ZFAND3: variants seen among roughly 807,000 people sequenced by gnomAD.
ZFAND3 encodes the protein AN1-type zinc finger protein 3.
ZFAND3 carries 10 observed loss-of-function variants against 29.6 expected under a neutral mutation model. The ratio of observed to expected loss-of-function variants is 0.34; its 90% CI spans 0.21 to 0.57. The LOEUF (loss-of-function observed/expected upper bound fraction) is 0.57, where lower values mean the gene tolerates loss of function less well. ZFAND3 is among the 20% of genes least tolerant of loss of function. ZFAND3 has a pLI of 0.86. For synonymous variants in ZFAND3, 128 were observed against 112.6 expected (o/e 1.14, Z -0.87); for missense variants, 230 against 304.5 (o/e 0.76, Z 1.82).
At chr6:38,006,305 C>G (rs1307938494) in intron 2 of ZFAND3, among the ~76,000 whole-genome samples, 2 of 151,958 alleles carry the variant, frequency 1.3e-5, no homozygotes, top group African/African-American at 4.8e-5. Context: ...TCTGTGTTTG[C>G]TGTGATAGAA....
At chr6:38,120,180 A>G (rs1581934632) in intron 5 of ZFAND3, among the ~76,000 whole-genome samples, 1 of 152,242 alleles carries the variant, frequency 6.6e-6, no homozygotes, top group East Asian at 1.9e-4. Flanking sequence ...TTGTCATTGC[A>G]GGAGTCTTGT....
chr6:37,975,896 G>A (rs1292348508), intron 2 of ZFAND3, among the ~76,000 whole-genome samples: 1 of 152,250 alleles, frequency 6.6e-6, no homozygotes, highest in Non-Finnish European at 1.5e-5. Context: ...TTTAGCATCA[G>A]TTTGTCAGTT....
At chr6:37,864,813 G>T (rs1308764970) in intron 1 of ZFAND3, among the ~76,000 whole-genome samples, 2 of 151,180 alleles carry the variant, frequency 1.3e-5, no homozygotes, top group Non-Finnish European at 2.9e-5. Flanking sequence ...TTTATTCTTT[G>T]GTATTCCTGG....
intron 5 of ZFAND3, among the ~76,000 whole-genome samples, chr6:38,144,600 C>T (rs1766065928): frequency 6.6e-6 from 1 of 152,252 alleles, no homozygotes; most frequent in Admixed American, 6.5e-5. Flanking sequence ...GAGTGTGTTA[C>T]AGTACCACAT....
chr6:37,888,465 T>G (rs1765038048), intron 1 of ZFAND3, among the ~76,000 whole-genome samples: 1 of 152,194 alleles, frequency 6.6e-6, no homozygotes, highest in Non-Finnish European at 1.5e-5. Flanking sequence ...CTTTATTCTT[T>G]TAGAGCTTAA....
At chr6:37,857,855 G>T (rs2127382282) in intron 1 of ZFAND3, among the ~76,000 whole-genome samples, 1 of 152,306 alleles carries the variant, frequency 6.6e-6, no homozygotes, top group South Asian at 2.1e-4. Context: ...GGTATGTCTA[G>T]AGAACTTGGT....
intron 4 of ZFAND3, chr6:38,088,509 T>G (rs540406713): frequency 7.7e-4 from 117 of 152,298 alleles, no homozygotes; most frequent in African/African-American, 2.7e-3. Flanking sequence ...CAATAATAAC[T>G]TACTTAAAGA....
intron 2 of ZFAND3, among the ~76,000 whole-genome samples, chr6:38,051,614 C>T (rs1336262859): frequency 1.3e-5 from 2 of 152,186 alleles, no homozygotes; most frequent in African/African-American, 4.8e-5. Flanking sequence ...TCCAACTTGC[C>T]TATTTTATTT....
chr6:38,077,806 C>T (rs1030117790), intron 3 of ZFAND3, among the ~76,000 whole-genome samples: 8 of 152,140 alleles, frequency 5.3e-5, no homozygotes, highest in Admixed American at 1.3e-4. Context: ...ATTTTGAGTG[C>T]GTGAAAGGCT....
chr6:37,986,685 T>G (rs1446534219), intron 2 of ZFAND3, among the ~76,000 whole-genome samples: 2 of 152,250 alleles, frequency 1.3e-5, no homozygotes, highest in East Asian at 3.8e-4. Context: ...TCATTTAGTC[T>G]TCTTTCTCTA....
At chr6:37,861,109 TAGCC>T (rs1764482148) in intron 1 of ZFAND3, among the ~76,000 whole-genome samples, 1 of 151,816 alleles carries the variant, frequency 6.6e-6, no homozygotes, top group Admixed American at 6.6e-5. Flanking sequence ...ATAAAAAAAT[TAGCC>T]AGGCATGGTG....
rs1220642719 is a variant in ZFAND3, at chr6:37,928,560, G to T, written c.72-1399G>T. On this transcript the variant is annotated intron_variant, in intron 1 of 5. Transcript: ENST00000287218. Reference sequence around the variant, plus strand: ...TTTGGAGACAGAGTCTTGCTCTGTTGCCCAGGCTGGAGTGCAGTGGTGTGA... The same window carrying T: ...TTTGGAGACAGAGTCTTGCTCTGTTTCCCAGGCTGGAGTGCAGTGGTGTGA... Among the ~76,000 whole-genome samples the T allele has an allele frequency of 3.3e-5, 5 of 152,084 alleles. No homozygotes were observed. In the East Asian group the frequency reaches 9.6e-4, roughly 29 times the overall value.
rs372379127 is a variant in ZFAND3 at position 38,032,227 on chromosome 6, A to G, written c.113-29366A>G. On this transcript the variant is annotated intron_variant, in intron 2 of 5. Transcript: ENST00000287218. ...TATAGATTACTGTAATATAATCAAT[A>G]TAATAGTTACAAGATTTATATTTTA... Among the ~76,000 whole-genome samples the G allele has an allele frequency of 6.6e-5, 10 of 152,356 alleles. No homozygotes were observed. The South Asian group carries it at 1.2e-3, about 19-fold the overall frequency.
chr6:38,151,051 C>T (rs960688387), intron 5 of ZFAND3, among the ~76,000 whole-genome samples: 5 of 152,302 alleles, frequency 3.3e-5, no homozygotes, highest in African/African-American at 9.6e-5. Flanking sequence ...TTGAAAGAGG[C>T]GGCCAGCAGA....
At position 38,047,275 on chromosome 6, in the gene ZFAND3, A is replaced by G. The variant is rs909725925; in HGVS notation, c.113-14318A>G. 1.6e-4 allele frequency among the ~76,000 whole-genome samples: 24 copies of G among 151,686 alleles called. 2 individuals are homozygous for G. In the South Asian group the frequency reaches 4.6e-3, roughly 29 times the overall value. ...GGTTGCAGTGAGCCAAGATCACGCC[A>G]CTGCACTCCAGCCTGGGCAACAGAG... is the stretch of plus-strand genomic sequence containing the variant. On this transcript the variant is annotated intron_variant, in intron 2 of 5. Coordinates refer to ENST00000287218, the MANE Select transcript of ZFAND3 (RefSeq NM_021943.3).
At chr6:38,001,931 A>G (rs1464710154) in intron 2 of ZFAND3, among the ~76,000 whole-genome samples, 1 of 152,158 alleles carries the variant, frequency 6.6e-6, no homozygotes, top group African/African-American at 2.4e-5. Flanking sequence ...TAGTCTAAAT[A>G]TTGATATATT....
chr6:38,076,199 AT>A (rs11408862), intron 3 of ZFAND3, among the ~76,000 whole-genome samples: 3 of 151,716 alleles, frequency 2.0e-5, no homozygotes, highest in African/African-American at 2.4e-5. Context: ...GATCATTAGC[AT>A]TTTTTTTAGA....
At chr6:37,838,985 G>C (rs1764019909) in intron 1 of ZFAND3, among the ~76,000 whole-genome samples, 1 of 152,080 alleles carries the variant, frequency 6.6e-6, no homozygotes, top group African/African-American at 2.4e-5. Context: ...ACTTGTCATT[G>C]CTGCTCTTTT....
At chr6:37,960,571 A>G (rs916827204) in intron 2 of ZFAND3, among the ~76,000 whole-genome samples, 7 of 152,098 alleles carry the variant, frequency 4.6e-5, no homozygotes, top group African/African-American at 1.7e-4. Flanking sequence ...TCAAACAACT[A>G]CCTTAGAATC....
Sources: gnomAD v4.1 joint callset for allele counts (sites outside exome capture counted in the v4.1 genomes callset) on GRCh38, gnomAD v4.1.1 for gene constraint, MANE v1.5 for transcripts, NCBI Gene and HGNC (gene_info 2026-07-23, HGNC 2026-07-21) for gene names.